MAF: variants seen among roughly 807,000 people sequenced by gnomAD.
The protein encoded by MAF is transcription factor Maf.
A neutral mutation model predicts 22.0 loss-of-function variants in MAF; 10 were observed. The ratio of observed to expected loss-of-function variants is 0.45; its 90% CI spans 0.28 to 0.77. The LOEUF (loss-of-function observed/expected upper bound fraction) is 0.77. MAF is among the 30% of genes least tolerant of loss of function. MAF has a pLI of 0.12. For synonymous variants in MAF, 337 were observed against 255.8 expected (o/e 1.32, Z -3.03); for missense variants, 544 against 548.4 (o/e 0.99, Z 0.08).
the MAF span, among the ~76,000 whole-genome samples, chr16:79,240,699 G>A: frequency 1.3e-5 from 2 of 151,698 alleles, no homozygotes; most frequent in African/African-American, 2.4e-5. Context: ...CTCTGCTAAG[G>A]GTCAGACTGC....
Position 79,599,295 on chromosome 16 carries a change from G to A in MAF, c.608C>T (p.Ala203Val). ...ACCGGCCGAGGCGGCCGCGCTGCCCGCGGCGCCGGGCGCGCCGGCCGTCGG... is the reference window on the plus strand; with the variant it reads ...ACCGGCCGAGGCGGCCGCGCTGCCCACGGCGCCGGGCGCGCCGGCCGTCGG... Reference protein sequence around the residue: ...HHPTAGAPGAAGSAAASAGGA... With the variant: ...HHPTAGAPGAVGSAAASAGGA... The change falls in exon 1 of 2, where the codon GCG (alanine) becomes GTG (valine). Residue 203 changes from alanine to valine, a missense_variant. This residue lies in a region of MAF where 342 missense variants were observed against 315.5 expected (regional missense o/e 1.08). Transcript: ENST00000326043. 1.0e-6 allele frequency: 1 copy of A among 979,856 alleles called. No individual in the cohort carries two copies. The highest frequency in any genetic ancestry group is 1.2e-6 in the Non-Finnish European group (1 of 828,096). The allele number at this position is 979,856 out of a possible 1,614,324, so 60.7% of individuals were successfully genotyped here.
chr16:79,241,702 G>C, the MAF span, among the ~76,000 whole-genome samples: 2 of 152,022 alleles, frequency 1.3e-5, no homozygotes, highest in African/African-American at 4.8e-5. Flanking sequence ...ACGCCACAGA[G>C]ATACTCCTCG....
chr16:79,520,028 C>A, the MAF span, among the ~76,000 whole-genome samples: 2 of 152,188 alleles, frequency 1.3e-5, no homozygotes, highest in Admixed American at 6.5e-5. Context: ...TGAGTAAATA[C>A]CCCAAGCGTG....
the MAF span, among the ~76,000 whole-genome samples, chr16:79,241,894 C>G: frequency 6.6e-5 from 10 of 151,990 alleles, no homozygotes; most frequent in African/African-American, 2.2e-4. Context: ...ATATTCAACA[C>G]TCTTAAAGAA....
the MAF span, among the ~76,000 whole-genome samples, chr16:79,296,017 C>G: frequency 6.6e-6 from 1 of 152,192 alleles, no homozygotes; most frequent in Non-Finnish European, 1.5e-5. Context: ...GTGGGGCTGT[C>G]CCCCTCTGGC....
At chr16:79,225,834 A>G in the MAF span, among the ~76,000 whole-genome samples, 1 of 152,242 alleles carries the variant, frequency 6.6e-6, no homozygotes. Context: ...ATGAGATACC[A>G]TCTCACACCA....
At chr16:79,585,598 CTT>C (rs1434354579), downstream of MAF, among the ~76,000 whole-genome samples, 1 of 152,158 alleles carries the variant, frequency 6.6e-6, no homozygotes, top group African/African-American at 2.4e-5. Flanking sequence ...GGATTAGTAA[CTT>C]GACATAACAC....
chr16:79,537,747 G>A, the MAF span, among the ~76,000 whole-genome samples: 2 of 152,160 alleles, frequency 1.3e-5, no homozygotes, highest in African/African-American at 4.8e-5. Flanking sequence ...CAGGGGCCCT[G>A]GGTGCCAATG....
At chr16:79,436,053 A>G in the MAF span, among the ~76,000 whole-genome samples, 1 of 152,202 alleles carries the variant, frequency 6.6e-6, no homozygotes, top group Non-Finnish European at 1.5e-5. Context: ...TAAAAAGAGC[A>G]AAGTCTGTGA....
chr16:79,280,711 AT>A, the MAF span, among the ~76,000 whole-genome samples: 3 of 152,182 alleles, frequency 2.0e-5, no homozygotes, highest in Admixed American at 6.5e-5. Context: ...CTGAACCCAC[AT>A]CTCCATCCAC....
At chr16:79,408,124 G>T in the MAF span, among the ~76,000 whole-genome samples, 1 of 151,282 alleles carries the variant, frequency 6.6e-6, no homozygotes, top group Non-Finnish European at 1.5e-5. Flanking sequence ...TGGAGGGATG[G>T]TTAAAAGCAT....
rs1913803108 is a variant in MAF, at chr16:79,599,169, G to A, written c.734C>T (p.Ala245Val). Reference sequence around the variant, plus strand: ...GCCGGCGGCGTGGTGCGGGTGCAGGGCGCCCCCCGCCCCCGCCGCGCCCCC... The same window carrying A: ...GCCGGCGGCGTGGTGCGGGTGCAGGACGCCCCCCGCCCCCGCCGCGCCCCC... ...GGGGAAGAGGALHPHHAAGGL... is the reference protein window; with the variant it reads ...GGGGAAGAGGVLHPHHAAGGL... The change falls in exon 1 of 2, where the codon GCC becomes GTC. Residue 245 changes from alanine (A) to valine (V), a missense_variant. By Grantham distance (64) the Ala-to-Val change is moderately conservative. This residue lies in a region of MAF where 342 missense variants were observed against 315.5 expected (regional missense o/e 1.08). Coordinates refer to ENST00000326043, the MANE Select transcript of MAF (RefSeq NM_005360.5). 3.8e-6 allele frequency: 5 copies of A among 1,331,484 alleles called. No individual in the cohort carries two copies. The highest frequency in any genetic ancestry group is 2.6e-5 in the Admixed American group (1 of 38,266). The allele number at this position is 1,331,484 out of a possible 1,614,324, so 82.5% of individuals were successfully genotyped here.
chr16:79,373,558 T>A, the MAF span, among the ~76,000 whole-genome samples: 41 of 151,796 alleles, frequency 2.7e-4, no homozygotes, highest in Non-Finnish European at 4.4e-4. Context: ...AACTTTTGTA[T>A]TTTTAGTAGA....
the MAF span, among the ~76,000 whole-genome samples, chr16:79,416,936 A>C: frequency 2.0e-5 from 3 of 152,232 alleles, no homozygotes; most frequent in African/African-American, 7.2e-5. Flanking sequence ...CTGTGACAAC[A>C]ATCATAATTA....
the MAF span, among the ~76,000 whole-genome samples, chr16:79,475,485 A>G: frequency 6.6e-6 from 1 of 151,936 alleles, no homozygotes; most frequent in Non-Finnish European, 1.5e-5. Context: ...TACACTTTAT[A>G]TATTTTCAAA....
chr16:79,330,498 G>C, the MAF span, among the ~76,000 whole-genome samples: 1 of 152,218 alleles, frequency 6.6e-6, no homozygotes, highest in African/African-American at 2.4e-5. Flanking sequence ...CCATGATCAT[G>C]GCTGGTAGCC....
the MAF span, among the ~76,000 whole-genome samples, chr16:79,456,418 T>C: frequency 6.6e-6 from 1 of 152,182 alleles, no homozygotes; most frequent in Non-Finnish European, 1.5e-5. Flanking sequence ...CCTGGCAAGA[T>C]ATAAACATAT....
chr16:79,315,148 G>GGCACATAT, the MAF span, among the ~76,000 whole-genome samples: 1 of 151,906 alleles, frequency 6.6e-6, no homozygotes, highest in African/African-American at 2.4e-5. Flanking sequence ...TGCCAGGCAC[G>GGCACATAT]GTTCTAGGAT....
chr16:79,215,383 G>C, the MAF span, among the ~76,000 whole-genome samples: 1 of 152,156 alleles, frequency 6.6e-6, no homozygotes, highest in East Asian at 1.9e-4. Flanking sequence ...TAAAATCTTA[G>C]GCTGATCAGA....
Sources: gnomAD v4.1 joint callset for allele counts (sites outside exome capture counted in the v4.1 genomes callset) on GRCh38, gnomAD v4.1.1 for gene constraint, gnomAD v4.1.1 regional missense constraint, MANE v1.5 for transcripts, NCBI Gene and HGNC (gene_info 2026-07-23, HGNC 2026-07-21) for gene names.